The following UTRN variants were observed in gnomAD, a reference collection of about 807,000 sequenced individuals.
UTRN encodes the protein utrophin, also known as dystrophin-related protein 1.
In UTRN, 283 loss-of-function variants were observed where a neutral mutation model predicts 463.9. The observed-to-expected ratio is 0.61, with a 90% CI of 0.55 to 0.67. UTRN has a LOEUF of 0.67. UTRN is among the 30% of genes least tolerant of loss of function. The pLI, the probability that UTRN is intolerant of heterozygous loss-of-function variation, is 0.00. For synonymous variants in UTRN, 1,442 were observed against 1,431.5 expected (o/e 1.01, Z -0.17); for missense variants, 3,922 against 4,084.3 (o/e 0.96, Z 1.08).
chr6:144,827,768 A>G, intron 68 of UTRN, 92 bp downstream of exon 68: 2 of 1,415,860 alleles, frequency 1.4e-6, no homozygotes, highest in Non-Finnish European at 1.9e-6. Flanking sequence ...ACCTTGATTT[A>G]AGAAATGCAG....
chr6:144,761,676 A>G (rs1402977176), intron 58 of UTRN, among the ~76,000 whole-genome samples: 4 of 151,868 alleles, frequency 2.6e-5, no homozygotes, highest in Non-Finnish European at 5.9e-5. Context: ...ATAATAAATA[A>G]AGAGAGAGAG....
intron 69 of UTRN, 148 bp from the exon 70 acceptor site, chr6:144,835,632 T>C: frequency 4.1e-6 from 4 of 964,102 alleles, no homozygotes; most frequent in Non-Finnish European, 6.1e-6. Flanking sequence ...CTTCCTAGAG[T>C]TTTAAAAGGG....
intron 14 of UTRN, among the ~76,000 whole-genome samples, chr6:144,445,944 G>C (rs1408453435): frequency 6.6e-6 from 1 of 152,026 alleles, no homozygotes. Flanking sequence ...CAGGAGAATT[G>C]CTTGAACCCA....
At chr6:144,701,602 A>G (rs917428006) in intron 53 of UTRN, among the ~76,000 whole-genome samples, 4 of 152,114 alleles carry the variant, frequency 2.6e-5, no homozygotes, top group African/African-American at 9.7e-5. Flanking sequence ...GTATATACAT[A>G]TCATCTTATT....
intron 51 of UTRN, among the ~76,000 whole-genome samples, chr6:144,602,752 C>A (rs1804398465): frequency 6.6e-6 from 1 of 152,176 alleles, no homozygotes; most frequent in South Asian, 2.1e-4. Flanking sequence ...AGACTCCATA[C>A]AGACAGGGGC....
intron 2 of UTRN, among the ~76,000 whole-genome samples, chr6:144,313,936 T>C (rs1404889268): frequency 6.6e-6 from 1 of 152,228 alleles, no homozygotes; most frequent in Admixed American, 6.5e-5. Flanking sequence ...GTTTCATTAA[T>C]ATTCATATTT....
At chr6:144,720,657 A>G (rs1787036690) in intron 53 of UTRN, among the ~76,000 whole-genome samples, 1 of 152,224 alleles carries the variant, frequency 6.6e-6, no homozygotes, top group African/African-American at 2.4e-5. Flanking sequence ...ATGAGAGACT[A>G]CATTACCTTC....
In UTRN at chr6:144,551,025, C is replaced by T; in HGVS notation, c.6871C>T (p.Gln2291Ter). The change falls in exon 48 of 75, where the codon CAG (glutamine) becomes TAG (stop). Residue 2291 changes from glutamine (Q) to a stop codon, truncating the protein, a stop_gained. Transcript: ENST00000367545. LOFTEE classifies it high-confidence loss of function. ...GCTGGATTATGTTTTTACATTGGCA[C>T]AGAATTTGAAAAATAAAGCTTCCAG... ...PQLDYVFTLA[Q>*]NLKNKASSSD... 6.2e-7 allele frequency: 1 copy of T among 1,612,012 alleles called. No homozygotes were observed. The highest frequency in any genetic ancestry group is 8.5e-7 in the Non-Finnish European group (1 of 1,179,434).
At chr6:144,629,902 C>G (rs1047916019) in intron 51 of UTRN, among the ~76,000 whole-genome samples, 1 of 152,160 alleles carries the variant, frequency 6.6e-6, no homozygotes, top group Non-Finnish European at 1.5e-5. Context: ...ATGTGGCATT[C>G]TGGCCGGGCG....
At chr6:144,490,510 G>C (rs1442739895) in intron 31 of UTRN, among the ~76,000 whole-genome samples, 1 of 152,132 alleles carries the variant, frequency 6.6e-6, no homozygotes, top group African/African-American at 2.4e-5. Context: ...TGATGCTGTG[G>C]GCAGGCCGAG....
chr6:144,564,977 T>C (rs1800273402), intron 50 of UTRN, among the ~76,000 whole-genome samples: 1 of 152,114 alleles, frequency 6.6e-6, no homozygotes, highest in Admixed American at 6.5e-5. Context: ...CTGGATCTTA[T>C]GTGGATAATA....
chr6:144,737,184 G>A (rs1399353307), intron 54 of UTRN, among the ~76,000 whole-genome samples: 2 of 152,126 alleles, frequency 1.3e-5, no homozygotes. Flanking sequence ...AAAACATAGT[G>A]CAGATCCTTT....
chr6:144,748,284 G>A lies in UTRN; in HGVS notation c.7978G>A (p.Ala2660Thr). The A allele has an allele frequency of 6.2e-7, 1 of 1,612,682 alleles. No homozygotes were observed. Among genetic ancestry groups the A allele is most frequent in the East Asian group, 2.2e-5 (1 of 44,766 alleles). ...GGAGAGAGCCCAAAAGATTGCCAAA[G>A]CCATGCGCAAACAGTCTTCTGAAGT... ...PEERAQKIAK[A>T]MRKQSSEVKE... The change falls in exon 55 of 75, where the codon GCC (alanine) becomes ACC (threonine). Residue 2660 changes from alanine to threonine, a missense_variant. By Grantham distance (58) the Ala-to-Thr change is moderately conservative. Transcript: ENST00000367545.
chr6:144,774,161 G>A (rs1329537914), intron 59 of UTRN, 129 bp from the exon 60 acceptor site: 3 of 899,352 alleles, frequency 3.3e-6, no homozygotes, highest in African/African-American at 3.5e-5. Flanking sequence ...TGGGGAATTT[G>A]GGAGAAGACT....
intron 51 of UTRN, among the ~76,000 whole-genome samples, chr6:144,585,263 G>A (rs1349300523): frequency 6.6e-6 from 1 of 152,054 alleles, no homozygotes; most frequent in African/African-American, 2.4e-5. Flanking sequence ...AAATTTAAAT[G>A]TTTAGAATAA....
intron 69 of UTRN, among the ~76,000 whole-genome samples, chr6:144,829,284 A>T (rs1012872759): frequency 3.9e-5 from 6 of 152,162 alleles, no homozygotes; most frequent in Admixed American, 3.3e-4. Context: ...ACCCACACAT[A>T]CTTAGATATA....
At position 144,836,406 on chromosome 6, in the gene UTRN, G is replaced by A; in HGVS notation, c.9930G>A (p.Glu3310=). ...ESIISPHHTS[E]DSELIAEAKL... ...TTATATCTCCCCATCACACGTCTGA[G>A]GATTCAGAACTTATAGCAGAAGCAA... Residue 3310 remains glutamate (E), a synonymous_variant, in exon 71 of 75, where the codon GAG becomes GAA. Transcript: ENST00000367545. 6.2e-7 allele frequency: 1 copy of A among 1,613,934 alleles called. No homozygotes were observed. Among genetic ancestry groups the A allele is most frequent in the South Asian group, 1.1e-5 (1 of 91,070 alleles).
intron 23 of UTRN, among the ~76,000 whole-genome samples, chr6:144,471,308 A>T (rs1790637678): frequency 6.6e-6 from 1 of 152,190 alleles, no homozygotes; most frequent in Non-Finnish European, 1.5e-5. Flanking sequence ...CTCAAGTCAA[A>T]GCCAATTGTG....
chr6:144,824,604 A>ATCTC (rs1779964172), intron 66 of UTRN, among the ~76,000 whole-genome samples: 1 of 40,416 alleles, frequency 2.5e-5, no homozygotes, highest in African/African-American at 2.0e-4. Context: ...ATATATATAT[A>ATCTC]TATATATATC....
Sources: gnomAD v4.1 joint callset for allele counts (sites outside exome capture counted in the v4.1 genomes callset) on GRCh38, gnomAD v4.1.1 for gene constraint, MANE v1.5 for transcripts, NCBI Gene and HGNC (gene_info 2026-07-23, HGNC 2026-07-21) for gene names.